The following RABGAP1L variants were observed in gnomAD, a reference collection of about 807,000 sequenced individuals.
RABGAP1L encodes the protein rab GTPase-activating protein 1-like.
In RABGAP1L, 63 loss-of-function variants were observed where a neutral mutation model predicts 137.7. The observed-to-expected ratio is 0.46, with a 90% confidence interval of 0.37 to 0.56. The LOEUF (loss-of-function observed/expected upper bound fraction) is 0.56, where lower values mean the gene tolerates loss of function less well. Ranked by LOEUF, RABGAP1L falls within the 20% of genes least tolerant of loss-of-function variation. The probability of loss-of-function intolerance (pLI) is 0.00; values close to 1 mark genes in which losing one functional copy is unlikely to be tolerated. For missense variants in RABGAP1L, 1,095 were observed against 1,244.0 expected, an observed-to-expected ratio of 0.88 and a Z score of 1.80; for synonymous variants, 431 against 433.7, an observed-to-expected ratio of 0.99 and a Z score of 0.08.
chr1:174,434,102 T>TACACACACACAC (rs1400358664), intron 13 of RABGAP1L, among the ~76,000 whole-genome samples: 6 of 102,768 alleles, frequency 5.8e-5, no homozygotes, highest in East Asian at 3.9e-4. Context: ...CGCATGCGTG[T>TACACACACACAC]ACACATACAC....
At chr1:174,165,668 T>A (rs552704209) in intron 1 of RABGAP1L, among the ~76,000 whole-genome samples, 4 of 152,124 alleles carry the variant, frequency 2.6e-5, no homozygotes, top group Admixed American at 2.6e-4. Flanking sequence ...CTTGGCTAAT[T>A]TTTCATTACT....
chr1:174,757,268 T>G, intron 18 of RABGAP1L: 1 of 193,720 alleles, frequency 5.2e-6, no homozygotes, highest in Non-Finnish European at 1.1e-5. Flanking sequence ...GGACATTTGT[T>G]TCCAGAATTT....
chr1:174,645,650 G>GCA (rs1374421330), intron 14 of RABGAP1L, among the ~76,000 whole-genome samples: 3 of 152,086 alleles, frequency 2.0e-5, no homozygotes, highest in Non-Finnish European at 4.4e-5. Context: ...CCAAGTTTTT[G>GCA]CTATTGTGAA....
intron 20 of RABGAP1L, among the ~76,000 whole-genome samples, chr1:174,963,738 AC>A (rs1669374213): frequency 6.6e-6 from 1 of 151,862 alleles, no homozygotes; most frequent in African/African-American, 2.4e-5. Flanking sequence ...ACACAACCAC[AC>A]CTGTTTATTT....
intron 13 of RABGAP1L, among the ~76,000 whole-genome samples, chr1:174,446,578 T>A (rs573327389): frequency 1.3e-5 from 2 of 152,346 alleles, no homozygotes; most frequent in Admixed American, 1.3e-4. Flanking sequence ...TTGGATGGAT[T>A]CTATCCTGGC....
chr1:174,639,702 AAAT>A (rs1674366568), intron 14 of RABGAP1L, among the ~76,000 whole-genome samples: 1 of 152,172 alleles, frequency 6.6e-6, no homozygotes, highest in Non-Finnish European at 1.5e-5. Context: ...ATTGTAGTAA[AAAT>A]AGTATTTGCC....
intron 14 of RABGAP1L, among the ~76,000 whole-genome samples, chr1:174,661,402 C>T (rs1253040128): frequency 1.3e-5 from 2 of 151,766 alleles, no homozygotes; most frequent in African/African-American, 2.4e-5. Flanking sequence ...TGATTCTAAA[C>T]GCTTGAGGAA....
At chr1:174,529,887 G>C (rs1051494800) in intron 13 of RABGAP1L, among the ~76,000 whole-genome samples, 4 of 152,116 alleles carry the variant, frequency 2.6e-5, no homozygotes, top group African/African-American at 9.7e-5. Flanking sequence ...CATGGGAGTA[G>C]TGTTCAGATG....
intron 1 of RABGAP1L, among the ~76,000 whole-genome samples, chr1:174,164,189 A>G (rs61827904): frequency 0.086 from 13,048 of 151,742 alleles, 767 homozygotes; most frequent in East Asian, 0.21. Context: ...AACAAATGCT[A>G]AAAACCTTGG....
At chr1:174,876,714 C>A (rs911752642) in intron 19 of RABGAP1L, among the ~76,000 whole-genome samples, 1 of 152,090 alleles carries the variant, frequency 6.6e-6, no homozygotes, top group African/African-American at 2.4e-5. Flanking sequence ...AGCAAAACAA[C>A]CAGTTTATAA....
chr1:174,920,274 G>A (rs1416028032), intron 19 of RABGAP1L, among the ~76,000 whole-genome samples: 8 of 152,288 alleles, frequency 5.3e-5, no homozygotes, highest in Middle Eastern at 3.4e-3. Flanking sequence ...CCTCACAATC[G>A]TGGCAGAAGG....
At chr1:174,530,251 C>T (rs1443624736) in intron 13 of RABGAP1L, among the ~76,000 whole-genome samples, 2 of 151,998 alleles carry the variant, frequency 1.3e-5, no homozygotes, top group African/African-American at 4.8e-5. Context: ...GTGCAGTAGC[C>T]CATGTTTGCT....
intron 19 of RABGAP1L, among the ~76,000 whole-genome samples, chr1:174,882,468 T>G (rs1186634738): frequency 1.3e-5 from 2 of 152,218 alleles, no homozygotes; most frequent in East Asian, 3.8e-4. Flanking sequence ...AAAGAAAATT[T>G]GACTAAACAA....
chr1:174,205,190 G>A (rs137950723), intron 1 of RABGAP1L, among the ~76,000 whole-genome samples: 377 of 152,248 alleles, frequency 2.5e-3, no homozygotes, highest in Admixed American at 0.012. Flanking sequence ...ATGTGTTGCC[G>A]GATTCGGTTT....
At chr1:174,238,723 T>C (rs1306688601) in intron 4 of RABGAP1L, 2 of 150,056 alleles carry the variant, frequency 1.3e-5, no homozygotes, top group Non-Finnish European at 3.0e-5. Flanking sequence ...GTCTTTTTGT[T>C]TGTCTGTGCC....
intron 19 of RABGAP1L, among the ~76,000 whole-genome samples, chr1:174,819,378 G>A (rs2148881354): frequency 6.6e-6 from 1 of 152,008 alleles, no homozygotes; most frequent in East Asian, 1.9e-4. Context: ...TCTTCTTTGA[G>A]CACCTACTAT....
intron 18 of RABGAP1L, among the ~76,000 whole-genome samples, chr1:174,801,024 ACTGTTTAT>A (rs1252705956): frequency 8.5e-5 from 13 of 152,136 alleles, no homozygotes; most frequent in African/African-American, 2.7e-4. Flanking sequence ...GAATGATTGA[ACTGTTTAT>A]CTGTGAAACA....
intron 18 of RABGAP1L, among the ~76,000 whole-genome samples, chr1:174,782,473 C>T (rs932002723): frequency 3.9e-5 from 6 of 152,056 alleles, no homozygotes; most frequent in African/African-American, 7.2e-5. Flanking sequence ...TGGGCTGAGA[C>T]GATGGGGTTT....
At chr1:174,438,183 T>C (rs1653654593) in intron 13 of RABGAP1L, among the ~76,000 whole-genome samples, 1 of 152,196 alleles carries the variant, frequency 6.6e-6, no homozygotes, top group South Asian at 2.1e-4. Flanking sequence ...ATCTTAACTC[T>C]TAAGGCTTTA....
Sources: allele counts gnomAD v4.1 joint callset (sites outside exome capture counted in the v4.1 genomes callset), GRCh38; gene constraint gnomAD v4.1.1; transcripts MANE v1.5; gene names NCBI Gene and HGNC (gene_info 2026-07-23, HGNC 2026-07-21).